Variants in DOK6 observed in about 807,000 individuals in gnomAD.
DOK6 encodes docking protein 6, also known as downstream of tyrosine kinase 6.
Under a neutral mutation model 44.0 loss-of-function variants are expected in DOK6, and 22 were observed. The observed-to-expected ratio is 0.50, with a 90% CI of 0.36 to 0.71. The LOEUF (loss-of-function observed/expected upper bound fraction) is 0.71. Among genes scored for constraint, DOK6 ranks in the 30% least tolerant of loss-of-function variants. The pLI is 0.00. For missense variants in DOK6, 340 were observed against 416.4 expected (o/e 0.82, Z 1.60); for synonymous variants, 166 against 145.5 (o/e 1.14, Z -1.01).
At chr18:69,501,681 T>C (rs1276747030) in intron 1 of DOK6, among the ~76,000 whole-genome samples, 2 of 152,174 alleles carry the variant, frequency 1.3e-5, no homozygotes, top group Non-Finnish European at 2.9e-5. Context: ...TCTTTAGCTT[T>C]TCTGATAAGT....
intron 1 of DOK6, among the ~76,000 whole-genome samples, chr18:69,489,722 C>G (rs1193028704): frequency 6.6e-6 from 1 of 151,860 alleles, no homozygotes; most frequent in African/African-American, 2.4e-5. Flanking sequence ...TATCGAAAGC[C>G]CTGTTCAGAT....
intron 1 of DOK6, chr18:69,469,821 C>A (rs916647904): frequency 1.8e-5 from 4 of 223,300 alleles, no homozygotes; most frequent in East Asian, 1.7e-4. Context: ...CACTGTCTCC[C>A]GTGCCACTGG....
rs118164691 is a variant in DOK6, at chr18:69,502,772, C to T, written c.67-61715C>T. On this transcript the variant is annotated intron_variant, in intron 1 of 7. Coordinates refer to ENST00000382713, the MANE Select transcript of DOK6 (RefSeq NM_152721.6). Reference sequence around the variant, plus strand: ...ATGTATATCAGTCAAACAGCACGCTCCTTTATAAAGTACTATGAATAATAT... The same window carrying T: ...ATGTATATCAGTCAAACAGCACGCTTCTTTATAAAGTACTATGAATAATAT... Among the ~76,000 whole-genome samples the T allele has an allele frequency of 9.4e-4, 143 of 151,500 alleles. No individual in the cohort carries two copies. In the East Asian group the frequency reaches 0.021, roughly 23 times the overall value.
chr18:69,712,275 C>T (rs1046005983), intron 5 of DOK6, among the ~76,000 whole-genome samples: 1 of 63,528 alleles, frequency 1.6e-5, no homozygotes, highest in African/African-American at 6.6e-5. Flanking sequence ...AGCGAGACTC[C>T]GTCTCAAAAA....
intron 1 of DOK6, among the ~76,000 whole-genome samples, chr18:69,477,972 A>T (rs952908780): frequency 6.6e-6 from 1 of 152,212 alleles, no homozygotes; most frequent in Non-Finnish European, 1.5e-5. Flanking sequence ...AATGAAATTT[A>T]AAAAAGTATT....
chr18:69,801,996 T>C (rs150123703), intron 7 of DOK6, among the ~76,000 whole-genome samples: 1 of 152,272 alleles, frequency 6.6e-6, no homozygotes, highest in African/African-American at 2.4e-5. Context: ...ACCATCACTT[T>C]CAGAGGCCTT....
At chr18:69,678,528 G>A (rs985223000) in intron 4 of DOK6, among the ~76,000 whole-genome samples, 26 of 152,132 alleles carry the variant, frequency 1.7e-4, no homozygotes, top group African/African-American at 5.8e-4. Flanking sequence ...TAGGACATTT[G>A]GCTAATATTA....
intron 5 of DOK6, among the ~76,000 whole-genome samples, chr18:69,722,525 C>T (rs775712012): frequency 8.5e-5 from 13 of 152,062 alleles, no homozygotes; most frequent in Non-Finnish European, 1.8e-4. Context: ...GGGCAAAGCA[C>T]CAGATAGACA....
intron 7 of DOK6, among the ~76,000 whole-genome samples, chr18:69,812,446 C>A (rs1207010384): frequency 6.6e-6 from 1 of 152,076 alleles, no homozygotes; most frequent in Non-Finnish European, 1.5e-5. Context: ...AATGGTACAT[C>A]TCCTAGATCG....
At chr18:69,619,165 G>T (rs1049962166) in intron 3 of DOK6, among the ~76,000 whole-genome samples, 1 of 152,158 alleles carries the variant, frequency 6.6e-6, no homozygotes, top group African/African-American at 2.4e-5. Flanking sequence ...TGGGAGCCTG[G>T]GCTCACCCCA....
chr18:69,651,291 T>C (rs977752706), intron 3 of DOK6, among the ~76,000 whole-genome samples: 1 of 152,138 alleles, frequency 6.6e-6, no homozygotes, highest in African/African-American at 2.4e-5. Flanking sequence ...CCATGCATAA[T>C]CCAATGGCTC....
At chr18:69,720,997 C>G (rs1471470774) in intron 5 of DOK6, among the ~76,000 whole-genome samples, 7 of 152,078 alleles carry the variant, frequency 4.6e-5, no homozygotes, top group Non-Finnish European at 8.8e-5. Context: ...TAAATCTTGA[C>G]TTTATCATTT....
intron 7 of DOK6, among the ~76,000 whole-genome samples, chr18:69,777,004 TG>T (rs1568123357): frequency 1.6e-5 from 1 of 61,970 alleles, no homozygotes; most frequent in Admixed American, 2.0e-4. Context: ...TGTTGTTGGG[TG>T]GGGGGAGGGA....
intron 3 of DOK6, among the ~76,000 whole-genome samples, chr18:69,648,138 A>T (rs1421194411): frequency 1.3e-5 from 2 of 152,196 alleles, no homozygotes; most frequent in African/African-American, 2.4e-5. Flanking sequence ...TACGTTACAC[A>T]TCCAGAAAAT....
chr18:69,504,243 T>C (rs1981123738), intron 1 of DOK6, among the ~76,000 whole-genome samples: 1 of 152,198 alleles, frequency 6.6e-6, no homozygotes, highest in South Asian at 2.1e-4. Flanking sequence ...CTCTTTGTTG[T>C]TTAAAATCTC....
At chr18:69,838,741 A>G (rs952315970) in intron 7 of DOK6, among the ~76,000 whole-genome samples, 34 of 151,668 alleles carry the variant, frequency 2.2e-4, no homozygotes, top group Non-Finnish European at 4.3e-4. Flanking sequence ...CTAACCTCTA[A>G]CTACTCCCTT....
At chr18:69,836,762 T>C (rs1008584880) in intron 7 of DOK6, among the ~76,000 whole-genome samples, 1 of 152,222 alleles carries the variant, frequency 6.6e-6, no homozygotes, top group African/African-American at 2.4e-5. Context: ...TGAGCAAGGC[T>C]GTTGCATCAG....
chr18:69,406,671 G>T (rs978291490), intron 1 of DOK6, among the ~76,000 whole-genome samples: 5 of 152,172 alleles, frequency 3.3e-5, no homozygotes, highest in Non-Finnish European at 5.9e-5. Context: ...GCAGGGAAGT[G>T]CTACAGTGGT....
At chr18:69,607,927 A>T (rs1303397588) in intron 3 of DOK6, among the ~76,000 whole-genome samples, 2 of 152,236 alleles carry the variant, frequency 1.3e-5, no homozygotes, top group African/African-American at 4.8e-5. Flanking sequence ...ATAATGTGAA[A>T]AAACCCTTAT....
Sources: gnomAD v4.1 joint callset for allele counts (sites outside exome capture counted in the v4.1 genomes callset) on GRCh38, gnomAD v4.1.1 for gene constraint, MANE v1.5 for transcripts, NCBI Gene and HGNC (gene_info 2026-07-23, HGNC 2026-07-21) for gene names.